Variants in LDB2 observed in about 807,000 individuals in gnomAD.
LDB2 encodes the protein LIM domain binding 2.
LDB2 carries 12 observed loss-of-function variants against 44.3 expected under a neutral mutation model. The observed-to-expected ratio is 0.27, with a 90% CI of 0.17 to 0.44. The LOEUF is 0.44. Ranked by LOEUF, LDB2 falls within the 20% of genes least tolerant of loss-of-function variation. The pLI, the probability that LDB2 is intolerant of heterozygous loss-of-function variation, is 1.00. For synonymous variants in LDB2, 164 were observed against 174.8 expected, an observed-to-expected ratio of 0.94 and a Z score of 0.49; for missense variants, 344 against 473.5, an observed-to-expected ratio of 0.73 and a Z score of 2.54.
At position 16,774,708 on chromosome 4, in the gene LDB2, C is replaced by A. The variant is rs139292768; in HGVS notation, c.133-15448G>T. 4.7e-3 allele frequency among the ~76,000 whole-genome samples: 716 copies of A among 152,246 alleles called. 7 individuals are homozygous for A. Among genetic ancestry groups the A allele is most frequent in the Middle Eastern group, 0.041 (12 of 294 alleles). ...ACAGTTTGGAGTCAGTGATCAAAGT[C>A]ATATAATCTGGCCTCAGAACTCTTC... On this transcript the variant is annotated intron_variant, in intron 1 of 7. Coordinates refer to ENST00000304523, the MANE Select transcript of LDB2 (RefSeq NM_001290.5).
intron 1 of LDB2, among the ~76,000 whole-genome samples, chr4:16,799,469 C>T (rs774966170): frequency 1.8e-4 from 28 of 152,236 alleles, no homozygotes; most frequent in Non-Finnish European, 3.2e-4. Flanking sequence ...AGCCTATCAC[C>T]TGCAAACATT....
chr4:16,695,913 G>T (rs182176351), intron 2 of LDB2, among the ~76,000 whole-genome samples: 465 of 152,256 alleles, frequency 3.1e-3, no homozygotes, highest in African/African-American at 0.011. Context: ...TTTAGCTTCA[G>T]GCTATAGTTT....
At chr4:16,564,837 A>G (rs902854932) in intron 5 of LDB2, among the ~76,000 whole-genome samples, 1 of 152,216 alleles carries the variant, frequency 6.6e-6, no homozygotes, top group African/African-American at 2.4e-5. Flanking sequence ...TAAAAGTGAA[A>G]TAACTTCAGT....
chr4:16,719,755 T>C (rs1265072201), intron 2 of LDB2, among the ~76,000 whole-genome samples: 1 of 152,122 alleles, frequency 6.6e-6, no homozygotes, highest in South Asian at 2.1e-4. Context: ...TGTTCCTAAG[T>C]GTTGTTTTTT....
intron 2 of LDB2, among the ~76,000 whole-genome samples, chr4:16,650,061 T>G (rs139979614): frequency 1.2e-3 from 181 of 152,338 alleles, no homozygotes; most frequent in African/African-American, 4.2e-3. Context: ...ATTCTCCTTT[T>G]GAGATAAAAC....
chr4:16,820,642 T>C (rs1374794081), intron 1 of LDB2, among the ~76,000 whole-genome samples: 1 of 152,198 alleles, frequency 6.6e-6, no homozygotes, highest in Non-Finnish European at 1.5e-5. Flanking sequence ...GCATGTTCTC[T>C]GTAAAGAAGC....
intron 1 of LDB2, among the ~76,000 whole-genome samples, chr4:16,895,543 T>TG (rs2110556036): frequency 6.7e-6 from 1 of 148,946 alleles, no homozygotes; most frequent in Non-Finnish European, 1.5e-5. Flanking sequence ...GTGGGGTGTG[T>TG]TTGTGTGTGT....
intron 5 of LDB2, among the ~76,000 whole-genome samples, chr4:16,525,627 T>C (rs1441012284): frequency 6.6e-6 from 1 of 152,196 alleles, no homozygotes; most frequent in Non-Finnish European, 1.5e-5. Flanking sequence ...TCTTTATTTG[T>C]TCTAGGTGCT....
At chr4:16,763,759 T>A (rs1178711604) in intron 1 of LDB2, among the ~76,000 whole-genome samples, 1 of 152,196 alleles carries the variant, frequency 6.6e-6, no homozygotes, top group Non-Finnish European at 1.5e-5. Context: ...GGCAGCCTTA[T>A]AGAGAACTTA....
chr4:16,503,211 G>A, intron 7 of LDB2: 1 of 1,428,876 alleles, frequency 7.0e-7, no homozygotes, highest in Non-Finnish European at 9.5e-7. Context: ...ACTTTTGAGA[G>A]GGCTGTGGAA....
intron 2 of LDB2, among the ~76,000 whole-genome samples, chr4:16,643,238 C>T (rs1052531944): frequency 2.6e-5 from 4 of 152,130 alleles, no homozygotes; most frequent in Non-Finnish European, 5.9e-5. Flanking sequence ...TCCATATGTG[C>T]TAACTGCACC....
chr4:16,785,523 C>T (rs1274721650), intron 1 of LDB2, among the ~76,000 whole-genome samples: 1 of 152,196 alleles, frequency 6.6e-6, no homozygotes, highest in African/African-American at 2.4e-5. Context: ...GTGGCAGCAT[C>T]GCCTACCGTG....
intron 5 of LDB2, among the ~76,000 whole-genome samples, chr4:16,515,227 CT>C (rs1723192049): frequency 6.6e-6 from 1 of 152,246 alleles, no homozygotes; most frequent in East Asian, 1.9e-4. Flanking sequence ...CAAAAGAGAG[CT>C]GAACATTGGG....
At chr4:16,523,819 A>G (rs1275089174) in intron 5 of LDB2, among the ~76,000 whole-genome samples, 1 of 152,174 alleles carries the variant, frequency 6.6e-6, no homozygotes, top group South Asian at 2.1e-4. Flanking sequence ...TTATTTCTAG[A>G]ATTTTCTCTT....
chr4:16,847,810 G>A (rs149986466), intron 1 of LDB2, among the ~76,000 whole-genome samples: 2,792 of 152,268 alleles, frequency 0.018, 88 homozygotes, highest in East Asian at 0.11. Context: ...TAGAGACGGG[G>A]TTTTACCATG....
At chr4:16,561,087 T>C (rs903972218) in intron 5 of LDB2, among the ~76,000 whole-genome samples, 16 of 152,286 alleles carry the variant, frequency 1.1e-4, no homozygotes, top group Admixed American at 3.9e-4. Flanking sequence ...AAGAGCTATC[T>C]ATGACAAACC....
At chr4:16,867,341 T>C (rs1442709612) in intron 1 of LDB2, among the ~76,000 whole-genome samples, 1 of 152,132 alleles carries the variant, frequency 6.6e-6, no homozygotes, top group Non-Finnish European at 1.5e-5. Context: ...AAATTTAAAG[T>C]AAACACTAAA....
intron 5 of LDB2, among the ~76,000 whole-genome samples, chr4:16,545,927 C>G (rs1471053382): frequency 1.3e-5 from 2 of 152,184 alleles, no homozygotes; most frequent in Admixed American, 1.3e-4. Context: ...CTGGCACCCG[C>G]CGTATGCAAT....
intron 1 of LDB2, among the ~76,000 whole-genome samples, chr4:16,789,317 C>T (rs940885483): frequency 3.3e-5 from 5 of 152,132 alleles, no homozygotes; most frequent in African/African-American, 7.2e-5. Flanking sequence ...CAAAGGCCTA[C>T]GATGAGTCAG....
Sources: gnomAD v4.1 joint callset for allele counts (sites outside exome capture counted in the v4.1 genomes callset) on GRCh38, gnomAD v4.1.1 for gene constraint, MANE v1.5 for transcripts, NCBI Gene and HGNC (gene_info 2026-07-23, HGNC 2026-07-21) for gene names.